Variants in TMEFF2 observed in about 807,000 individuals in gnomAD.
TMEFF2 encodes the protein tomoregulin-2.
Under a neutral mutation model 53.8 loss-of-function variants are expected in TMEFF2, and 28 were observed. The ratio of observed to expected loss-of-function variants is 0.52; its 90% CI spans 0.39 to 0.71. The LOEUF (loss-of-function observed/expected upper bound fraction) is 0.71, where lower values mean the gene tolerates loss of function less well. TMEFF2 is among the 30% of genes least tolerant of loss of function. The pLI is 0.00. For missense variants in TMEFF2, 353 were observed against 455.2 expected, an observed-to-expected ratio of 0.78 and a Z score of 2.04; for synonymous variants, 162 against 166.3, an observed-to-expected ratio of 0.97 and a Z score of 0.20.
At chr2:192,130,415 T>C (rs1175265359) in intron 4 of TMEFF2, among the ~76,000 whole-genome samples, 1 of 152,138 alleles carries the variant, frequency 6.6e-6, no homozygotes, top group Non-Finnish European at 1.5e-5. Context: ...AGTCAAGCCA[T>C]CGCATCCCCT....
chr2:192,101,044 C>T (rs1237105518), intron 4 of TMEFF2, among the ~76,000 whole-genome samples: 2 of 152,150 alleles, frequency 1.3e-5, no homozygotes, highest in Non-Finnish European at 2.9e-5. Flanking sequence ...TAATGCCACT[C>T]TGTGTTTTAT....
chr2:192,057,429 T>C (rs1199221444), intron 5 of TMEFF2, among the ~76,000 whole-genome samples: 1 of 152,148 alleles, frequency 6.6e-6, no homozygotes, highest in Non-Finnish European at 1.5e-5. Flanking sequence ...TATCCTAACA[T>C]TGACAGTTTT....
At chr2:192,043,890 C>T (rs1687548107) in intron 5 of TMEFF2, 1 of 152,228 alleles carries the variant, frequency 6.6e-6, no homozygotes, top group Non-Finnish European at 1.5e-5. Flanking sequence ...TCTCACTCAA[C>T]TTGCCTGTGC....
Position 191,949,555 on chromosome 2 carries a change from G to A in TMEFF2, c.*756C>T. The A allele has an allele frequency of 1.0e-6, 1 of 985,374 alleles. No individual in the cohort carries two copies. Among genetic ancestry groups the A allele is most frequent in the African/African-American group, 1.7e-5 (1 of 57,330 alleles). The allele number at this position is 985,374 out of a possible 1,614,324, so 61.0% of individuals were successfully genotyped here. A position where few individuals can be genotyped will look rare whatever the true frequency, so the allele number is the denominator to read the frequency against. ...AATGGAATATATTTTGCCACTCTGTGTATACCTAGTATGTAACTTGTTCAG... is the reference window on the plus strand; with the variant it reads ...AATGGAATATATTTTGCCACTCTGTATATACCTAGTATGTAACTTGTTCAG... On this transcript the variant is annotated 3_prime_UTR_variant, in exon 10 of 10. Coordinates refer to ENST00000272771, the MANE Select transcript of TMEFF2 (RefSeq NM_016192.4).
chr2:192,112,380 A>G (rs1280834652), intron 4 of TMEFF2, among the ~76,000 whole-genome samples: 1 of 152,130 alleles, frequency 6.6e-6, no homozygotes, highest in Admixed American at 6.6e-5. Context: ...TTACTGCCCC[A>G]CTGGATTTTG....
At chr2:192,042,161 A>G (rs1309228264) in intron 5 of TMEFF2, among the ~76,000 whole-genome samples, 4 of 151,960 alleles carry the variant, frequency 2.6e-5, no homozygotes, top group Non-Finnish European at 4.4e-5. Flanking sequence ...AGATCACACC[A>G]CTGAACTCCA....
chr2:192,008,357 C>T (rs1686550380), intron 5 of TMEFF2, among the ~76,000 whole-genome samples: 1 of 152,182 alleles, frequency 6.6e-6, no homozygotes, highest in African/African-American at 2.4e-5. Flanking sequence ...AATTCTCCAT[C>T]CATTGTCATA....
intron 3 of TMEFF2, among the ~76,000 whole-genome samples, chr2:192,180,629 G>T (rs1691162950): frequency 1.3e-5 from 2 of 151,584 alleles, no homozygotes; most frequent in African/African-American, 4.8e-5. Context: ...CTCACCCAGG[G>T]TTCAAGACTT....
intron 4 of TMEFF2, among the ~76,000 whole-genome samples, chr2:192,125,634 A>T (rs1234108868): frequency 2.0e-5 from 3 of 152,240 alleles, no homozygotes; most frequent in Admixed American, 2.0e-4. Flanking sequence ...ATGCCCATCA[A>T]TGATAGACTG....
chr2:192,053,521 C>T (rs549554615), intron 5 of TMEFF2, among the ~76,000 whole-genome samples: 6 of 152,170 alleles, frequency 3.9e-5, no homozygotes, highest in Non-Finnish European at 8.8e-5. Flanking sequence ...CATTATTTCA[C>T]GTCAGCAGTT....
At chr2:192,021,793 A>C (rs572069438) in intron 5 of TMEFF2, 3 of 152,380 alleles carry the variant, frequency 2.0e-5, no homozygotes, top group East Asian at 1.9e-4. Flanking sequence ...AATTTTGAAA[A>C]TCTGTGTGAG....
At chr2:192,040,722 A>G (rs1187411533) in intron 5 of TMEFF2, among the ~76,000 whole-genome samples, 1 of 152,178 alleles carries the variant, frequency 6.6e-6, no homozygotes, top group Non-Finnish European at 1.5e-5. Flanking sequence ...CAACACCCTC[A>G]TTTCCTGAAT....
At chr2:192,154,628 C>A (rs915397403) in intron 4 of TMEFF2, among the ~76,000 whole-genome samples, 2 of 151,892 alleles carry the variant, frequency 1.3e-5, no homozygotes, top group Admixed American at 1.3e-4. Flanking sequence ...TTTTAATAAT[C>A]CTTCTAAATT....
In TMEFF2 at chr2:191,949,846, A is replaced by T; in HGVS notation, c.*465T>A. 1 of 985,898 alleles carries T rather than the reference A, an allele frequency of 1.0e-6. No individual in the cohort carries two copies. The highest frequency in any genetic ancestry group is 4.7e-5 in the South Asian group (1 of 21,288). 61.1% of individuals were successfully genotyped at this position (985,898 alleles called of 1,614,324 possible). Reference sequence around the variant, plus strand: ...TAAATTATTTTTTCTCTTTTCCAATAACCATCATTTCCCTTGATCTTGGAA... The same window carrying T: ...TAAATTATTTTTTCTCTTTTCCAATTACCATCATTTCCCTTGATCTTGGAA... On this transcript the variant is annotated 3_prime_UTR_variant, in exon 10 of 10. Coordinates refer to ENST00000272771, the MANE Select transcript of TMEFF2 (RefSeq NM_016192.4).
intron 3 of TMEFF2, among the ~76,000 whole-genome samples, chr2:192,183,590 T>C (rs114684120): frequency 0.016 from 2,435 of 152,220 alleles, 47 homozygotes; most frequent in Middle Eastern, 0.048. Context: ...TATGGCACCT[T>C]ACAGCCTCTA....
chr2:191,976,982 T>A (rs534147682), intron 7 of TMEFF2, among the ~76,000 whole-genome samples: 1 of 152,356 alleles, frequency 6.6e-6, no homozygotes, highest in Admixed American at 6.5e-5. Flanking sequence ...ATAGCTATTT[T>A]AAACTAATGT....
At chr2:192,078,969 C>T (rs866546616) in intron 4 of TMEFF2, among the ~76,000 whole-genome samples, 1 of 152,152 alleles carries the variant, frequency 6.6e-6, no homozygotes, top group African/African-American at 2.4e-5. Flanking sequence ...TGAACCCATT[C>T]TCCCTTTATT....
chr2:192,165,094 A>C (rs911056978), intron 4 of TMEFF2, among the ~76,000 whole-genome samples: 1 of 151,954 alleles, frequency 6.6e-6, no homozygotes, highest in Non-Finnish European at 1.5e-5. Context: ...TGTTTCTATG[A>C]CTAGTGCCGT....
chr2:192,121,144 A>C (rs1689543644), intron 4 of TMEFF2, among the ~76,000 whole-genome samples: 1 of 152,300 alleles, frequency 6.6e-6, no homozygotes, highest in Middle Eastern at 3.4e-3. Context: ...CACCGAGTCT[A>C]GTGGGGGAAG....
Sources: gnomAD v4.1 joint callset for allele counts (sites outside exome capture counted in the v4.1 genomes callset) on GRCh38, gnomAD v4.1.1 for gene constraint, MANE v1.5 for transcripts, NCBI Gene and HGNC (gene_info 2026-07-23, HGNC 2026-07-21) for gene names.